EPN1: variants seen among roughly 807,000 people sequenced by gnomAD.
EPN1 encodes epsin-1.
Under a neutral mutation model 56.9 loss-of-function variants are expected in EPN1, and 25 were observed. The observed-to-expected ratio is 0.44, with a 90% confidence interval of 0.32 to 0.61. EPN1 has a LOEUF of 0.61. Ranked by LOEUF, EPN1 falls within the 20% of genes least tolerant of loss-of-function variation. The pLI is 0.05. For missense variants in EPN1, 785 were observed against 823.7 expected (o/e 0.95, Z 0.58); for synonymous variants, 411 against 361.8 (o/e 1.14, Z -1.54).
chr19:55,685,752 C>T (rs992907257), intron 3 of EPN1, 107 bp downstream of exon 3: 18 of 1,403,172 alleles, frequency 1.3e-5, no homozygotes, highest in African/African-American at 7.1e-5. Flanking sequence ...GGAGGGACCG[C>T]GGCATCCCCC....
At chr19:55,693,344 G>A in intron 9 of EPN1, 1 of 360,082 alleles carries the variant, frequency 2.8e-6, no homozygotes, top group Non-Finnish European at 5.2e-6. Context: ...CTCTCCAGGT[G>A]TCTCAAAGAA....
At position 55,689,138 on chromosome 19, in the gene EPN1, C is replaced by T. The variant is rs907988605; in HGVS notation, c.603+144C>T. On this transcript the variant is annotated intron_variant, in intron 4 of 10. Transcript: ENST00000270460. The surrounding 1 kb of genome is among the most constrained non-coding windows in gnomAD (Gnocchi z 5.7). ...CGTCTCCTCCCCAGTCCTGCCTCAT[C>T]CTCACCCCGCCGTCCCTCTGCGTGT... is the stretch of plus-strand genomic sequence containing the variant. 5.5e-6 allele frequency: 7 copies of T among 1,269,166 alleles called. No individual in the cohort carries two copies. Among genetic ancestry groups the T allele is most frequent in the Non-Finnish European group, 7.5e-6 (7 of 928,694 alleles). 78.6% of individuals were successfully genotyped at this position (1,269,166 alleles called of 1,614,324 possible). A position where few individuals can be genotyped will look rare whatever the true frequency, so the allele number is the denominator to read the frequency against.
Position 55,678,869 on chromosome 19 carries a change from T to G in EPN1, c.228+14T>G. 6.3e-7 allele frequency: 1 copy of G among 1,578,220 alleles called. No individual in the cohort carries two copies. The highest frequency in any genetic ancestry group is 8.7e-7 in the Non-Finnish European group (1 of 1,155,052). On this transcript the variant is annotated intron_variant, in intron 2 of 10. Transcript: ENST00000270460. Reference sequence around the variant, plus strand: ...CACGTTTACAAGGTCAGCATCCTGCTCTCCTCCCCGGGCAGGTGCAGGGGC... The same window carrying G: ...CACGTTTACAAGGTCAGCATCCTGCGCTCCTCCCCGGGCAGGTGCAGGGGC...
chr19:55,677,426 C>T lies in EPN1; in HGVS notation c.-101-1101C>T, dbSNP rs771788748. 1.8e-5 allele frequency: 12 copies of T among 675,666 alleles called. 1 individual carries two copies. Among genetic ancestry groups the T allele is most frequent in the Middle Eastern group, 5.5e-4 (2 of 3,654 alleles). 41.9% of individuals were successfully genotyped at this position (675,666 alleles called of 1,614,324 possible). A position where few individuals can be genotyped will look rare whatever the true frequency, so the allele number is the denominator to read the frequency against. Reference sequence around the variant, plus strand: ...CTCTCTTGTTTCTCGTCACCAGTCTCGGGATGGGTTAATTTAATTTAGGTT... The same window carrying T: ...CTCTCTTGTTTCTCGTCACCAGTCTTGGGATGGGTTAATTTAATTTAGGTT... On this transcript the variant is annotated intron_variant, in intron 1 of 10. Transcript: ENST00000270460.
chr19:55,686,765 G>A lies in EPN1; in HGVS notation c.478+1120G>A, dbSNP rs372673272. On this transcript the variant is annotated intron_variant, in intron 3 of 10. Transcript: ENST00000270460. ...GTGCTCAGAGCCAGGGACAACAGGA[G>A]GGAGTGTAGGCGGCAGAGAGGGGCT... Among the ~76,000 whole-genome samples the A allele has an allele frequency of 3.0e-4, 45 of 152,206 alleles. No homozygotes were observed. The East Asian group carries it at 6.6e-3, about 22-fold the overall frequency.
intron 1 of EPN1, among the ~76,000 whole-genome samples, chr19:55,675,854 T>C (rs1456874809): frequency 1.3e-5 from 2 of 152,126 alleles, no homozygotes; most frequent in Non-Finnish European, 2.9e-5. Flanking sequence ...ATGGTGCAAA[T>C]CTTACCCCCG....
intron 3 of EPN1, 67 bp downstream of exon 3, chr19:55,685,712 C>G (rs1022142562): frequency 1.3e-6 from 2 of 1,523,200 alleles, no homozygotes; most frequent in Middle Eastern, 4.5e-4. Flanking sequence ...CTCCCGGCAC[C>G]CGGCCGCCCA....
In EPN1 at chr19:55,694,849, C is replaced by T. The variant is rs1454619208; in HGVS notation, c.1388C>T (p.Pro463Leu). 6.2e-7 allele frequency: 1 copy of T among 1,608,656 alleles called. No individual in the cohort carries two copies. Among genetic ancestry groups the T allele is most frequent in the Non-Finnish European group, 8.5e-7 (1 of 1,177,862 alleles). The change falls in exon 10 of 11, where the codon CCC becomes CTC. Residue 463 changes from proline (P) to leucine (L), a missense_variant. Physicochemically the swap from Pro to Leu is moderately conservative, Grantham distance 98. Transcript: ENST00000270460. This position sits in a 1 kb window ranked among gnomAD's most constrained non-coding sequence, Gnocchi z 4.2. Reference sequence around the variant, plus strand: ...CCCCCACCTGCAGCCACACCAACTCCCACGCCCCCCACCCGGAAGACGCCG... The same window carrying T: ...CCCCCACCTGCAGCCACACCAACTCTCACGCCCCCCACCCGGAAGACGCCG... ...GSPPPAATPT[P>L]TPPTRKTPES...
At position 55,704,637 on chromosome 19, in the gene EPN1, T is replaced by C. The variant is rs936596673; in HGVS notation, c.*9281T>C. On this transcript the variant is annotated 3_prime_UTR_variant, in exon 11 of 11. Transcript: ENST00000270460. ...AACATGAATGCAGCCATCCACACTG[T>C]CTGGGGGAAGGCACACACACCCCAC... 1 of 151,582 alleles carries C rather than the reference T, an allele frequency of 6.6e-6. No homozygotes were observed. Among genetic ancestry groups the C allele is most frequent in the African/African-American group, 2.4e-5 (1 of 41,342 alleles). The allele number at this position is 151,582 out of a possible 1,614,324, so 9.4% of individuals were successfully genotyped here.
In EPN1 at chr19:55,700,307, C is replaced by T. The variant is rs1296595147; in HGVS notation, c.*4951C>T. The stretch of plus-strand genomic sequence containing the variant: ...ATTTATTTTTTTTTTGAGATGGAGT[C>T]TTGCTCTCGTCCCCCAGGCTGGAGT... On this transcript the variant is annotated 3_prime_UTR_variant, in exon 11 of 11. Coordinates refer to ENST00000270460, the MANE Select transcript of EPN1 (RefSeq NM_001130072.2). 3 of 147,526 alleles carry T rather than the reference C, an allele frequency of 2.0e-5. No individual in the cohort carries two copies. Among genetic ancestry groups the T allele is most frequent in the Non-Finnish European group, 4.4e-5 (3 of 67,648 alleles). The allele number at this position is 147,526 out of a possible 1,614,324, so 9.1% of individuals were successfully genotyped here.
rs1258853051 is a variant in EPN1, at chr19:55,691,938, C to T, written c.947C>T (p.Ala316Val). The T allele has an allele frequency of 1.3e-6, 2 of 1,542,094 alleles. No individual in the cohort carries two copies. Among genetic ancestry groups the T allele is most frequent in the African/African-American group, 2.8e-5 (2 of 72,570 alleles). ...TGGGGAGGTCCAGCCCCCACGCCGG[C>T]CTCTGGGGACCCCTGGAGGCCTGCT... ...DPWGGPAPTP[A>V]SGDPWRPAAP... The change falls in exon 7 of 11, where the codon GCC becomes GTC. Residue 316 changes from alanine (A) to valine (V), a missense_variant. By Grantham distance (64) the Ala-to-Val change is moderately conservative. This residue lies in a region of EPN1 where 650 missense variants were observed against 605.0 expected (regional missense o/e 1.07). Coordinates refer to ENST00000270460, the MANE Select transcript of EPN1 (RefSeq NM_001130072.2). The surrounding 1 kb of genome is among the most constrained non-coding windows in gnomAD (Gnocchi z 5.6).
In EPN1 at chr19:55,695,109, C is replaced by G; in HGVS notation, c.1523-39C>G. 3.7e-6 allele frequency: 6 copies of G among 1,612,728 alleles called. No individual in the cohort carries two copies. Among genetic ancestry groups the G allele is most frequent in the Non-Finnish European group, 5.1e-6 (6 of 1,179,136 alleles). On this transcript the variant is annotated intron_variant, in intron 10 of 10. Coordinates refer to ENST00000270460, the MANE Select transcript of EPN1 (RefSeq NM_001130072.2). This position sits in a 1 kb window ranked among gnomAD's most constrained non-coding sequence, Gnocchi z 4.4. Reference sequence around the variant, plus strand: ...GGATGGACACAGGTGGGCTGCGCCACTGACTCCACTCCGTGTCTCTGGTTT... The same window carrying G: ...GGATGGACACAGGTGGGCTGCGCCAGTGACTCCACTCCGTGTCTCTGGTTT...
rs981802710 is a variant in EPN1, at chr19:55,696,155, A to G, written c.*799A>G. On this transcript the variant is annotated 3_prime_UTR_variant, in exon 11 of 11. Transcript: ENST00000270460. ...CGTCGCCATCGCCCGGGCCCACCGC[A>G]AGCATCACTAATCCATCCCTGCACT... 6.6e-6 allele frequency: 1 copy of G among 152,290 alleles called. No individual in the cohort carries two copies. Among genetic ancestry groups the G allele is most frequent in the Non-Finnish European group, 1.5e-5 (1 of 68,188 alleles). The allele number at this position is 152,290 out of a possible 1,614,324, so 9.4% of individuals were successfully genotyped here. A position where few individuals can be genotyped will look rare whatever the true frequency, so the allele number is the denominator to read the frequency against.
Position 55,708,787 on chromosome 19 carries a change from G to A in EPN1, c.*13431G>A, listed in dbSNP as rs1409357704. On this transcript the variant is annotated 3_prime_UTR_variant, in exon 11 of 11. Coordinates refer to ENST00000270460, the MANE Select transcript of EPN1 (RefSeq NM_001130072.2). ...CATAATCATATTGCTAGAACACTTA[G>A]GGAGTACCTCTGAAATCACAGCCCT... 1.7e-5 allele frequency: 11 copies of A among 629,028 alleles called. No individual in the cohort carries two copies. Among genetic ancestry groups the A allele is most frequent in the African/African-American group, 3.8e-5 (2 of 52,368 alleles). The allele number at this position is 629,028 out of a possible 1,614,324, so 39.0% of individuals were successfully genotyped here.
intron 2 of EPN1, 27 bp downstream of exon 2, chr19:55,678,882 C>T: frequency 6.5e-7 from 1 of 1,536,720 alleles, no homozygotes; most frequent in Non-Finnish European, 8.9e-7. Context: ...CCTCCCCGGG[C>T]AGGTGCAGGG....
chr19:55,680,323 A>T (rs1245402970), intron 2 of EPN1, among the ~76,000 whole-genome samples: 3 of 152,084 alleles, frequency 2.0e-5, no homozygotes, highest in Non-Finnish European at 4.4e-5. Flanking sequence ...TGGTTTTTGC[A>T]GCCCCTCTGG....
At chr19:55,676,245 T>C (rs574907906) in intron 1 of EPN1, among the ~76,000 whole-genome samples, 3 of 152,248 alleles carry the variant, frequency 2.0e-5, no homozygotes, top group Non-Finnish European at 4.4e-5. Flanking sequence ...ATTACAGTGC[T>C]TAGAGATTTT....
chr19:55,681,298 G>A (rs925974569), intron 2 of EPN1, among the ~76,000 whole-genome samples: 3 of 152,242 alleles, frequency 2.0e-5, no homozygotes, highest in Non-Finnish European at 4.4e-5. Context: ...TGTAAAGGAA[G>A]TTCTTTTTCT....
intron 7 of EPN1, 140 bp from the exon 8 acceptor site, chr19:55,692,546 G>A (rs1986628328): frequency 5.3e-6 from 3 of 565,714 alleles, no homozygotes; most frequent in South Asian, 4.9e-5. Context: ...GAGTGTGTGT[G>A]CGGGAGGCCG....
Sources: gnomAD v4.1 joint callset for allele counts (sites outside exome capture counted in the v4.1 genomes callset) on GRCh38, gnomAD v4.1.1 for gene constraint, gnomAD v4.1.1 regional missense constraint, Gnocchi (gnomAD v3.1) non-coding constraint, MANE v1.5 for transcripts, NCBI Gene and HGNC (gene_info 2026-07-23, HGNC 2026-07-21) for gene names.